Variants in DNMBP observed in about 807,000 individuals in gnomAD.
DNMBP encodes dynamin-binding protein.
A neutral mutation model predicts 150.0 loss-of-function variants in DNMBP; 87 were observed. The ratio of observed to expected loss-of-function variants is 0.58; its 90% CI spans 0.49 to 0.69. The LOEUF is 0.69. DNMBP is among the 30% of genes least tolerant of loss of function. The probability of loss-of-function intolerance (pLI) is 0.00; values close to 1 mark genes in which losing one functional copy is unlikely to be tolerated. For synonymous variants in DNMBP, 711 were observed against 750.4 expected (o/e 0.95, Z 0.86); for missense variants, 1,774 against 1,949.0 (o/e 0.91, Z 1.69).
intron 1 of DNMBP, among the ~76,000 whole-genome samples, chr10:100,009,013 G>A (rs12267374): frequency 0.47 from 71,427 of 152,112 alleles, 17,807 homozygotes; most frequent in African/African-American, 0.64. Flanking sequence ...AGATCTTCAT[G>A]TTTGTGTAAA....
At chr10:99,996,457 T>C (rs1382597290) in intron 1 of DNMBP, among the ~76,000 whole-genome samples, 1 of 152,124 alleles carries the variant, frequency 6.6e-6, no homozygotes, top group Non-Finnish European at 1.5e-5. Flanking sequence ...GAGGCAGCGG[T>C]TGCAGTGAGC....
At chr10:99,891,159 C>T (rs539942106) in intron 11 of DNMBP, among the ~76,000 whole-genome samples, 5 of 149,054 alleles carry the variant, frequency 3.4e-5, no homozygotes, top group East Asian at 4.0e-4. Flanking sequence ...ACTCCCTCTC[C>T]CTCTCCCCCT....
At chr10:99,901,637 T>A (rs1302887249) in intron 6 of DNMBP, among the ~76,000 whole-genome samples, 1 of 152,160 alleles carries the variant, frequency 6.6e-6, no homozygotes, top group African/African-American at 2.4e-5. Context: ...CCTGGCTTAC[T>A]ATGATGACTC....
intron 4 of DNMBP, chr10:99,914,086 G>A: frequency 7.1e-7 from 1 of 1,400,786 alleles, no homozygotes; most frequent in Non-Finnish European, 9.3e-7. Context: ...TTTCCCCCAG[G>A]CTTCCCACAT....
At chr10:99,992,361 T>C (rs2040904670) in intron 1 of DNMBP, among the ~76,000 whole-genome samples, 1 of 152,066 alleles carries the variant, frequency 6.6e-6, no homozygotes, top group African/African-American at 2.4e-5. Flanking sequence ...TTAAAACAAT[T>C]ACTTAATTAC....
intron 5 of DNMBP, 117 bp from the exon 6 acceptor site, chr10:99,908,211 C>T: frequency 1.4e-6 from 1 of 709,134 alleles, no homozygotes; most frequent in Non-Finnish European, 2.4e-6. Flanking sequence ...ACTTTCTTCA[C>T]TCACTTTCAT....
intron 3 of DNMBP, among the ~76,000 whole-genome samples, chr10:99,967,715 G>C (rs973843669): frequency 6.6e-6 from 1 of 151,076 alleles, no homozygotes; most frequent in Admixed American, 6.6e-5. Flanking sequence ...GTGTGTACAT[G>C]ATTTAAGAAA....
chr10:100,006,894 G>A (rs768988799), intron 1 of DNMBP, among the ~76,000 whole-genome samples: 6 of 152,058 alleles, frequency 3.9e-5, no homozygotes, highest in Non-Finnish European at 4.4e-5. Flanking sequence ...TGGGTGGATC[G>A]CTTGAGGCCA....
At chr10:99,967,671 GTGT>G (rs2040633584) in intron 3 of DNMBP, among the ~76,000 whole-genome samples, 27 of 142,038 alleles carry the variant, frequency 1.9e-4, no homozygotes, top group African/African-American at 7.6e-4. Context: ...TTTTCTGGGT[GTGT>G]GTGTGTGTGT....
At chr10:99,931,446 C>T (rs1327291364) in intron 4 of DNMBP, among the ~76,000 whole-genome samples, 1 of 152,318 alleles carries the variant, frequency 6.6e-6, no homozygotes, top group South Asian at 2.1e-4. Context: ...AGTCATACGA[C>T]TGAAGGAAGA....
chr10:99,927,641 T>G (rs557267150), intron 4 of DNMBP, among the ~76,000 whole-genome samples: 1 of 152,276 alleles, frequency 6.6e-6, no homozygotes, highest in East Asian at 1.9e-4. Context: ...GTTAGAATGC[T>G]GAAAGATTTC....
chr10:99,880,344 A>T lies in DNMBP; in HGVS notation c.4015T>A (p.Tyr1339Asn), dbSNP rs2039347778. 1 of 1,595,184 alleles carries T rather than the reference A, an allele frequency of 6.3e-7. No homozygotes were observed. The highest frequency in any genetic ancestry group is 1.3e-5 in the African/African-American group (1 of 74,698). Reference protein sequence around the residue: ...IDNGVTKGFVYSSFLKPYNPR... With the variant: ...IDNGVTKGFVNSSFLKPYNPR... Reference sequence around the variant, plus strand: ...TTGTAGGGCTTTAGGAAAGAGCTGTACACGAAGCCTTTGGTGACTACAAAG... The same window carrying T: ...TTGTAGGGCTTTAGGAAAGAGCTGTTCACGAAGCCTTTGGTGACTACAAAG... The change falls in exon 16 of 17, where the codon TAC becomes AAC. Residue 1339 changes from tyrosine to asparagine, a missense_variant. Tyr to Asn is a moderately radical substitution (Grantham distance 143). Transcript: ENST00000324109.
At chr10:99,949,107 T>C (rs1220932307) in intron 4 of DNMBP, among the ~76,000 whole-genome samples, 1 of 152,208 alleles carries the variant, frequency 6.6e-6, no homozygotes, top group African/African-American at 2.4e-5. Flanking sequence ...ATCTCTGCAC[T>C]GATTCCCAGG....
intron 1 of DNMBP, among the ~76,000 whole-genome samples, chr10:99,985,003 A>G (rs1299602979): frequency 6.6e-6 from 1 of 152,180 alleles, no homozygotes; most frequent in Non-Finnish European, 1.5e-5. Flanking sequence ...CAGCTTCTCA[A>G]AAGTGCTGGG....
chr10:99,941,163 G>A (rs2040295797), intron 4 of DNMBP, among the ~76,000 whole-genome samples: 1 of 152,074 alleles, frequency 6.6e-6, no homozygotes, highest in African/African-American at 2.4e-5. Flanking sequence ...GGGATTACAG[G>A]CGTGAGCCAC....
rs775399542 is a variant in DNMBP, at chr10:99,886,523, T to C, written c.3395A>G (p.Tyr1132Cys). 1.4e-5 allele frequency: 22 copies of C among 1,614,160 alleles called. No homozygotes were observed. The highest frequency in any genetic ancestry group is 1.6e-4 in the Middle Eastern group (1 of 6,062). The change falls in exon 13 of 17, where the codon TAT becomes TGT. Residue 1132 changes from tyrosine to cysteine, a missense_variant. Around this residue, in one of 2 missense-constraint regions of DNMBP, gnomAD observed 1,430 missense variants for 1,492.5 expected, o/e 0.96. Coordinates refer to ENST00000324109, the MANE Select transcript of DNMBP (RefSeq NM_015221.4). ...QKRFDKLLDF[Y>C]NCTERAEKLK... ...CTTTTCTGCCCGTTCTGTACAGTTATAGAAGTCCAGGAGCTTGTCAAAGCG... is the reference window on the plus strand; with the variant it reads ...CTTTTCTGCCCGTTCTGTACAGTTACAGAAGTCCAGGAGCTTGTCAAAGCG...
intron 16 of DNMBP, among the ~76,000 whole-genome samples, chr10:99,878,985 T>G (rs1288317893): frequency 6.8e-6 from 1 of 148,032 alleles, no homozygotes; most frequent in African/African-American, 2.5e-5. Context: ...CTCAGGAAGC[T>G]GAGGCAGGAG....
intron 3 of DNMBP, among the ~76,000 whole-genome samples, chr10:99,965,412 G>A (rs1017180974): frequency 3.3e-5 from 5 of 151,478 alleles, no homozygotes; most frequent in African/African-American, 9.7e-5. Flanking sequence ...TAATCCTAAT[G>A]ATACTTCTTA....
chr10:99,945,047 A>T (rs2040341761), intron 4 of DNMBP, among the ~76,000 whole-genome samples: 1 of 152,252 alleles, frequency 6.6e-6, no homozygotes, highest in Admixed American at 6.5e-5. Context: ...CATCCAAGGT[A>T]CAAGGTACAC....
Sources: gnomAD v4.1 joint callset for allele counts (sites outside exome capture counted in the v4.1 genomes callset) on GRCh38, gnomAD v4.1.1 for gene constraint, gnomAD v4.1.1 regional missense constraint, MANE v1.5 for transcripts, NCBI Gene and HGNC (gene_info 2026-07-23, HGNC 2026-07-21) for gene names.